Variants in KANSL1 observed in about 807,000 individuals in gnomAD.
KANSL1 encodes the protein KAT8 regulatory NSL complex subunit 1.
A neutral mutation model predicts 103.6 loss-of-function variants in KANSL1; 22 were observed. The observed-to-expected ratio is 0.21, with a 90% CI of 0.15 to 0.30. KANSL1 has a LOEUF of 0.30. KANSL1 is among the 10% of genes least tolerant of loss of function. KANSL1 has a pLI of 1.00. For synonymous variants in KANSL1, 600 were observed against 527.6 expected (o/e 1.14, Z -1.88); for missense variants, 1,337 against 1,399.8 (o/e 0.96, Z 0.72).
chr17:46,082,173 A>G (rs1229692557), intron 4 of KANSL1, among the ~76,000 whole-genome samples: 2 of 152,150 alleles, frequency 1.3e-5, no homozygotes, highest in African/African-American at 2.4e-5. Context: ...CTGATTCCCA[A>G]TGATACTCCC....
intron 3 of KANSL1, among the ~76,000 whole-genome samples, chr17:46,083,588 G>A (rs983881805): frequency 1.3e-5 from 2 of 151,926 alleles, no homozygotes; most frequent in Non-Finnish European, 2.9e-5. Flanking sequence ...CCCCCACCCC[G>A]CCAACCCCAC....
chr17:46,134,784 G>T (rs9303527), intron 2 of KANSL1, among the ~76,000 whole-genome samples: 4,453 of 152,202 alleles, frequency 0.029, 180 homozygotes, highest in African/African-American at 0.09. Context: ...GGCGGAAGCT[G>T]CAGTGAGCTA....
chr17:46,208,576 C>T (rs1429494082), intron 1 of KANSL1, among the ~76,000 whole-genome samples: 43 of 147,646 alleles, frequency 2.9e-4, no homozygotes, highest in Admixed American at 2.7e-3. Context: ...ATCCAAGTGC[C>T]ACTGCACTCT....
intron 1 of KANSL1, among the ~76,000 whole-genome samples, chr17:46,188,184 C>T (rs1036953668): frequency 4.6e-5 from 7 of 152,218 alleles, no homozygotes; most frequent in Non-Finnish European, 4.4e-5. Context: ...TATCACTTAC[C>T]TCCTATATCT....
At chr17:46,164,064 T>A (rs2147652432) in intron 2 of KANSL1, among the ~76,000 whole-genome samples, 2 of 152,388 alleles carry the variant, frequency 1.3e-5, no homozygotes, top group Middle Eastern at 3.4e-3. Context: ...AGTTCTTCAC[T>A]CCCTTCACTC....
At chr17:46,039,919 A>G in intron 7 of KANSL1, 35 bp from the exon 8 acceptor site, 1 of 1,599,164 alleles carries the variant, frequency 6.3e-7, no homozygotes. Flanking sequence ...GGTTAGTCCA[A>G]ACACCTGGCC....
intron 2 of KANSL1, among the ~76,000 whole-genome samples, chr17:46,123,783 A>G (rs2147209568): frequency 6.6e-6 from 1 of 152,372 alleles, no homozygotes; most frequent in South Asian, 2.1e-4. Context: ...CCAATAACCT[A>G]AAAGTGCAAG....
intron 3 of KANSL1, among the ~76,000 whole-genome samples, chr17:46,084,243 G>A (rs1453145570): frequency 6.6e-6 from 1 of 152,064 alleles, no homozygotes; most frequent in African/African-American, 2.4e-5. Context: ...TTGCCCAGGC[G>A]TCGTGGCACA....
At chr17:46,110,431 C>A (rs1413351079) in intron 2 of KANSL1, among the ~76,000 whole-genome samples, 1 of 152,128 alleles carries the variant, frequency 6.6e-6, no homozygotes, top group Non-Finnish European at 1.5e-5. Flanking sequence ...ATCATCACTG[C>A]CCCATTTTTA....
intron 10 of KANSL1, chr17:46,036,011 A>G (rs1448638838): frequency 6.8e-6 from 1 of 147,864 alleles, no homozygotes; most frequent in Non-Finnish European, 1.5e-5. Context: ...CAGAAGCAAC[A>G]TTAAGGAGTA....
chr17:46,105,948 C>CACACACA (rs373189477), intron 2 of KANSL1, among the ~76,000 whole-genome samples: 14 of 39,048 alleles, frequency 3.6e-4, no homozygotes, highest in African/African-American at 1.2e-3. Context: ...CACACACACA[C>CACACACA]CCCCCCAGAA....
chr17:46,065,989 T>C (rs2078361911), intron 6 of KANSL1, among the ~76,000 whole-genome samples: 3 of 152,280 alleles, frequency 2.0e-5, no homozygotes, highest in East Asian at 1.9e-4. Context: ...GCCTCCTGAA[T>C]AGCTGGGACT....
At chr17:46,093,055 T>C (rs978024710) in intron 3 of KANSL1, 6 of 152,220 alleles carry the variant, frequency 3.9e-5, no homozygotes, top group Non-Finnish European at 8.8e-5. Flanking sequence ...GCAGCACTTA[T>C]GACTACTATT....
At chr17:46,038,779 A>G (rs958988584) in intron 9 of KANSL1, 93 bp from the exon 10 acceptor site, 1 of 1,512,038 alleles carries the variant, frequency 6.6e-7, no homozygotes, top group Non-Finnish European at 9.1e-7. Flanking sequence ...TACATACTAA[A>G]GGCAAAAATG....
chr17:46,145,082 G>C (rs1274123596), intron 2 of KANSL1, among the ~76,000 whole-genome samples: 1 of 152,200 alleles, frequency 6.6e-6, no homozygotes, highest in Non-Finnish European at 1.5e-5. Context: ...AGGATTGACA[G>C]ACAAGTACTA....
intron 2 of KANSL1, among the ~76,000 whole-genome samples, chr17:46,166,282 C>A (rs1029710483): frequency 1.3e-5 from 2 of 150,708 alleles, no homozygotes; most frequent in Non-Finnish European, 2.9e-5. Context: ...GAGGCCAAGG[C>A]GGGTAGATCA....
intron 1 of KANSL1, among the ~76,000 whole-genome samples, chr17:46,214,591 T>G (rs935408157): frequency 6.6e-6 from 1 of 152,018 alleles, no homozygotes; most frequent in African/African-American, 2.4e-5. Context: ...GAGGCAGAGG[T>G]TGCAGTGAGC....
chr17:46,064,779 T>C (rs1290524633), intron 6 of KANSL1, among the ~76,000 whole-genome samples: 3 of 152,152 alleles, frequency 2.0e-5, no homozygotes, highest in African/African-American at 7.2e-5. Context: ...CTGGAATACA[T>C]CAAAGGGCTA....
At chr17:46,193,443 A>AGCGAGCG (rs2047465403), upstream of KANSL1, 1 of 151,914 alleles carries the variant, frequency 6.6e-6, no homozygotes, top group Non-Finnish European at 1.5e-5. Flanking sequence ...GCGAGCGAGC[A>AGCGAGCG]AGCGGGCGAG....
Sources: allele counts gnomAD v4.1 joint callset (sites outside exome capture counted in the v4.1 genomes callset), GRCh38; gene constraint gnomAD v4.1.1; transcripts MANE v1.5; gene names NCBI Gene and HGNC (gene_info 2026-07-23, HGNC 2026-07-21).